Variants in GRM7 observed in about 807,000 individuals in gnomAD.
GRM7 encodes the protein metabotropic glutamate receptor 7.
A neutral mutation model predicts 84.5 loss-of-function variants in GRM7; 35 were observed. The observed-to-expected ratio is 0.41, with a 90% confidence interval of 0.32 to 0.55. GRM7 has a LOEUF of 0.55. Among genes scored for constraint, GRM7 ranks in the 20% least tolerant of loss-of-function variants. GRM7 has a pLI of 0.19. For synonymous variants in GRM7, 487 were observed against 455.1 expected (o/e 1.07, Z -0.89); for missense variants, 1,003 against 1,194.6 (o/e 0.84, Z 2.36).
At chr3:7,380,892 G>A (rs1315372988) in intron 4 of GRM7, among the ~76,000 whole-genome samples, 1 of 152,098 alleles carries the variant, frequency 6.6e-6, no homozygotes, top group East Asian at 1.9e-4. Flanking sequence ...AGAAACTGGT[G>A]TTTTTCATTG....
chr3:7,662,800 T>A lies in GRM7; in HGVS notation c.2452-17249T>A, dbSNP rs77364011. On this transcript the variant is annotated intron_variant, in intron 8 of 9. Transcript: ENST00000357716. ...GTCCTATGTCAAATTTTCTGAAAAA[T>A]TTTTAAGTATTCAAAATAAAAATTT... is the stretch of plus-strand genomic sequence containing the variant. 3.9e-5 allele frequency among the ~76,000 whole-genome samples: 6 copies of A among 152,182 alleles called. No homozygotes were observed. The East Asian group carries it at 7.7e-4, about 20-fold the overall frequency.
At chr3:7,509,201 A>G (rs1700123497) in intron 7 of GRM7, among the ~76,000 whole-genome samples, 1 of 152,148 alleles carries the variant, frequency 6.6e-6, no homozygotes, top group South Asian at 2.1e-4. Context: ...AGTACAGTCT[A>G]ATAAGATATT....
intron 5 of GRM7, among the ~76,000 whole-genome samples, chr3:7,439,855 C>G (rs915836205): frequency 1.3e-5 from 2 of 151,118 alleles, no homozygotes; most frequent in Non-Finnish European, 2.9e-5. Context: ...ATTTGGAGTT[C>G]CAGAGAGCAC....
At chr3:7,442,593 G>A (rs1228373642) in intron 5 of GRM7, among the ~76,000 whole-genome samples, 1 of 152,132 alleles carries the variant, frequency 6.6e-6, no homozygotes, top group East Asian at 1.9e-4. Context: ...GTGTGCTTAA[G>A]GAGGTGAAGG....
chr3:7,528,293 T>A (rs1700888688), intron 7 of GRM7, among the ~76,000 whole-genome samples: 1 of 152,112 alleles, frequency 6.6e-6, no homozygotes, highest in Non-Finnish European at 1.5e-5. Context: ...TTCTCTAGAT[T>A]TTCTTGTTTG....
chr3:7,505,331 C>G (rs1700007895), intron 7 of GRM7, among the ~76,000 whole-genome samples: 1 of 152,236 alleles, frequency 6.6e-6, no homozygotes, highest in African/African-American at 2.4e-5. Flanking sequence ...GTGTTACACA[C>G]TGGTGGCTCT....
intron 4 of GRM7, among the ~76,000 whole-genome samples, chr3:7,322,567 C>A (rs1479155104): frequency 1.3e-5 from 2 of 151,810 alleles, no homozygotes; most frequent in Non-Finnish European, 2.9e-5. Flanking sequence ...CCCTCTTCCC[C>A]CACCCCAGTC....
At chr3:6,935,287 T>C (rs1424241928) in intron 1 of GRM7, among the ~76,000 whole-genome samples, 2 of 152,198 alleles carry the variant, frequency 1.3e-5, no homozygotes, top group African/African-American at 4.8e-5. Context: ...GTTCACTTTA[T>C]GACTAATTAA....
intron 7 of GRM7, among the ~76,000 whole-genome samples, chr3:7,496,139 G>A (rs1012794373): frequency 1.4e-4 from 22 of 152,116 alleles, no homozygotes; most frequent in Non-Finnish European, 2.9e-4. Context: ...GTGGGGAGGT[G>A]GTCTGACCTT....
At chr3:7,419,525 A>G (rs1696310561) in intron 5 of GRM7, among the ~76,000 whole-genome samples, 1 of 152,162 alleles carries the variant, frequency 6.6e-6, no homozygotes, top group African/African-American at 2.4e-5. Flanking sequence ...GTATCCTTAC[A>G]TGTCTAATAG....
intron 2 of GRM7, among the ~76,000 whole-genome samples, chr3:7,216,911 C>T (rs1039591468): frequency 6.6e-6 from 1 of 152,148 alleles, no homozygotes; most frequent in African/African-American, 2.4e-5. Flanking sequence ...AGACATCCAT[C>T]TTTAATGTGA....
At chr3:7,312,168 G>A (rs1458442410) in intron 4 of GRM7, among the ~76,000 whole-genome samples, 1 of 152,114 alleles carries the variant, frequency 6.6e-6, no homozygotes, top group East Asian at 1.9e-4. Flanking sequence ...GCAGTGCTTT[G>A]GAACTTTTTA....
chr3:7,402,589 A>G (rs1025556674), intron 4 of GRM7, among the ~76,000 whole-genome samples: 3 of 152,136 alleles, frequency 2.0e-5, no homozygotes, highest in African/African-American at 7.2e-5. Context: ...TCAAAATAGC[A>G]TGTTTTAGAA....
At chr3:6,881,272 T>G (rs1695498034) in intron 1 of GRM7, among the ~76,000 whole-genome samples, 2 of 152,260 alleles carry the variant, frequency 1.3e-5, no homozygotes, top group Admixed American at 6.5e-5. Context: ...TTTCTATGTT[T>G]CCTAATGCTC....
intron 1 of GRM7, among the ~76,000 whole-genome samples, chr3:6,945,602 G>T (rs1358527370): frequency 6.6e-6 from 1 of 151,998 alleles, no homozygotes; most frequent in East Asian, 1.9e-4. Flanking sequence ...TGGGTCAAAT[G>T]GTATTTCTAG....
At chr3:7,381,157 T>C (rs1694574280) in intron 4 of GRM7, among the ~76,000 whole-genome samples, 2 of 151,800 alleles carry the variant, frequency 1.3e-5, no homozygotes, top group African/African-American at 4.9e-5. Flanking sequence ...ATGCTATTAT[T>C]TAGTTAGTTT....
At chr3:7,217,827 G>A (rs184649728) in intron 2 of GRM7, among the ~76,000 whole-genome samples, 9 of 149,814 alleles carry the variant, frequency 6.0e-5, no homozygotes, top group African/African-American at 2.2e-4. Flanking sequence ...ATGTATAGAT[G>A]TGTGTATATG....
chr3:7,264,100 C>A (rs1698543501), intron 2 of GRM7, among the ~76,000 whole-genome samples: 1 of 152,048 alleles, frequency 6.6e-6, no homozygotes, highest in Non-Finnish European at 1.5e-5. Context: ...CAGGAGTTGT[C>A]CCCTCTGGGT....
At chr3:7,726,468 C>T (rs115608981) in intron 9 of GRM7, among the ~76,000 whole-genome samples, 1 of 150,878 alleles carries the variant, frequency 6.6e-6, no homozygotes, top group African/African-American at 2.4e-5. Flanking sequence ...TTCAACTACC[C>T]TAATAGAGCT....
Sources: gnomAD v4.1 joint callset for allele counts (sites outside exome capture counted in the v4.1 genomes callset) on GRCh38, gnomAD v4.1.1 for gene constraint, MANE v1.5 for transcripts, NCBI Gene and HGNC (gene_info 2026-07-23, HGNC 2026-07-21) for gene names.